The following TBC1D21 variants were observed in gnomAD, a reference collection of about 807,000 sequenced individuals.
TBC1D21 encodes TBC1 domain family member 21, also known as male germ cell Rab GTPase-activating protein.
Under a neutral mutation model 46.0 loss-of-function variants are expected in TBC1D21, and 38 were observed. That is an observed-to-expected ratio of 0.83 (90% CI 0.64 to 1.08). TBC1D21 has a LOEUF of 1.08. Ranked by LOEUF, TBC1D21 falls within the 50% of genes least tolerant of loss-of-function variation. The pLI is 0.00. For synonymous variants in TBC1D21, 151 were observed against 157.2 expected, an observed-to-expected ratio of 0.96 and a Z score of 0.29; for missense variants, 415 against 417.9, an observed-to-expected ratio of 0.99 and a Z score of 0.06.
At chr15:73,898,238 G>A in the TBC1D21 span, among the ~76,000 whole-genome samples, 3 of 152,248 alleles carry the variant, frequency 2.0e-5, no homozygotes, top group African/African-American at 7.2e-5. Flanking sequence ...GGCACAGGGT[G>A]CAGCTGTGCA....
the TBC1D21 span, chr15:73,908,552 G>T: frequency 6.5e-6 from 1 of 153,362 alleles, no homozygotes; most frequent in Non-Finnish European, 1.5e-5. Context: ...CAGGCGTCTA[G>T]GAAGGGGGAA....
chr15:73,904,053 A>AAT, the TBC1D21 span, among the ~76,000 whole-genome samples: 17,815 of 151,474 alleles, frequency 0.12, 1,386 homozygotes, highest in Non-Finnish European at 0.18. Context: ...GTCTCAAAAA[A>AAT]ATATATATAT....
chr15:73,893,383 C>T (rs567680382), downstream of TBC1D21, among the ~76,000 whole-genome samples: 1 of 152,240 alleles, frequency 6.6e-6, no homozygotes, highest in South Asian at 2.1e-4. Context: ...GCAGCCAGGC[C>T]CCATCCAAGC....
At chr15:73,875,073 C>T (rs914413608) in intron 1 of TBC1D21, among the ~76,000 whole-genome samples, 3 of 151,912 alleles carry the variant, frequency 2.0e-5, no homozygotes, top group South Asian at 2.1e-4. Context: ...ATGGCAAAAC[C>T]CTGTCTCTAC....
chr15:73,892,835 C>T (rs376853005), downstream of TBC1D21, among the ~76,000 whole-genome samples: 7 of 152,202 alleles, frequency 4.6e-5, no homozygotes, highest in South Asian at 1.4e-3. Flanking sequence ...GAAAGGAATA[C>T]CTCAAGAATT....
the TBC1D21 span, among the ~76,000 whole-genome samples, chr15:73,894,433 C>A: frequency 6.6e-6 from 1 of 152,246 alleles, no homozygotes; most frequent in Non-Finnish European, 1.5e-5. Flanking sequence ...TTCGATTACC[C>A]CAGTAAGTGT....
At chr15:73,885,758 G>T (rs1162829925) in intron 6 of TBC1D21, among the ~76,000 whole-genome samples, 1 of 151,740 alleles carries the variant, frequency 6.6e-6, no homozygotes, top group East Asian at 1.9e-4. Flanking sequence ...GGGAAGAACT[G>T]GGCAACTGGG....
downstream of TBC1D21, among the ~76,000 whole-genome samples, chr15:73,889,852 C>G (rs2068322127): frequency 1.3e-5 from 2 of 152,260 alleles, no homozygotes; most frequent in Admixed American, 1.3e-4. Flanking sequence ...ACCTGCTCCC[C>G]CAGGCTGTGC....
intron 7 of TBC1D21, 74 bp from the exon 8 acceptor site, chr15:73,886,438 T>G: frequency 7.6e-7 from 1 of 1,320,730 alleles, no homozygotes; most frequent in South Asian, 1.2e-5. Flanking sequence ...CTCTGTAGTT[T>G]GGCCTCATCT....
At chr15:73,897,106 C>T in the TBC1D21 span, among the ~76,000 whole-genome samples, 194 of 152,220 alleles carry the variant, frequency 1.3e-3, no homozygotes, top group African/African-American at 4.4e-3. Flanking sequence ...TCTTGGTCGC[C>T]GCACTGAAGG....
chr15:73,881,854 G>A (rs1489088715), intron 3 of TBC1D21, 107 bp downstream of exon 3: 15 of 1,017,366 alleles, frequency 1.5e-5, no homozygotes, highest in Non-Finnish European at 1.6e-5. Flanking sequence ...TTCTTATTCC[G>A]AGAGGAACCC....
At chr15:73,889,541 G>T (rs75470889), downstream of TBC1D21, among the ~76,000 whole-genome samples, 169 of 152,330 alleles carry the variant, frequency 1.1e-3, 1 homozygote, top group African/African-American at 4.0e-3. Context: ...CTGGTCCTGG[G>T]GCTCTGCCCC....
the TBC1D21 span, among the ~76,000 whole-genome samples, chr15:73,901,910 C>T: frequency 6.6e-6 from 1 of 152,124 alleles, no homozygotes; most frequent in South Asian, 2.1e-4. Context: ...CTCCCAAGCT[C>T]AAGCAATTCT....
chr15:73,897,170 G>T, the TBC1D21 span, among the ~76,000 whole-genome samples: 2 of 152,072 alleles, frequency 1.3e-5, no homozygotes, highest in African/African-American at 4.8e-5. Context: ...CTCCTAGAAG[G>T]CCAGACCCTA....
intron 10 of TBC1D21, 83 bp from the exon 11 acceptor site, chr15:73,888,986 A>G: frequency 6.5e-7 from 1 of 1,546,336 alleles, no homozygotes; most frequent in Non-Finnish European, 8.9e-7. Flanking sequence ...CCAGAGGCTC[A>G]GGAGAATGTC....
chr15:73,877,536 A>G (rs1459372347), intron 1 of TBC1D21, among the ~76,000 whole-genome samples: 2 of 129,866 alleles, frequency 1.5e-5, no homozygotes, highest in Non-Finnish European at 3.4e-5. Flanking sequence ...AAAAAAAAAA[A>G]AAAAAAAAAA....
At chr15:73,886,723 A>G in intron 8 of TBC1D21, 111 bp downstream of exon 8, 2 of 1,035,866 alleles carry the variant, frequency 1.9e-6, no homozygotes, top group Non-Finnish European at 3.0e-6. Flanking sequence ...GGAGTTCAGT[A>G]TCTCGGGGTT....
chr15:73,903,031 C>T, the TBC1D21 span, among the ~76,000 whole-genome samples: 5 of 152,216 alleles, frequency 3.3e-5, no homozygotes, highest in Admixed American at 1.3e-4. Context: ...CCAGTCCCAG[C>T]GACCGTGCAA....
chr15:73,901,809 CTT>C, the TBC1D21 span, among the ~76,000 whole-genome samples: 1 of 151,424 alleles, frequency 6.6e-6, no homozygotes, highest in African/African-American at 2.4e-5. Context: ...CTCAAGATCC[CTT>C]TTTTTTTGTT....
Sources: gnomAD v4.1 joint callset for allele counts (sites outside exome capture counted in the v4.1 genomes callset) on GRCh38, gnomAD v4.1.1 for gene constraint, MANE v1.5 for transcripts, NCBI Gene and HGNC (gene_info 2026-07-23, HGNC 2026-07-21) for gene names.